DNM3: variants seen among roughly 807,000 people sequenced by gnomAD.
The protein encoded by DNM3 is dynamin-3.
In DNM3, 47 loss-of-function variants were observed where a neutral mutation model predicts 101.6. That is an observed-to-expected ratio of 0.46 (90% CI 0.37 to 0.59). DNM3 has a LOEUF of 0.59. Among genes scored for constraint, DNM3 ranks in the 20% least tolerant of loss-of-function variants. The pLI, the probability that DNM3 is intolerant of heterozygous loss-of-function variation, is 0.00. For synonymous variants in DNM3, 385 were observed against 387.9 expected, an observed-to-expected ratio of 0.99 and a Z score of 0.09; for missense variants, 849 against 1,085.7, an observed-to-expected ratio of 0.78 and a Z score of 3.06.
chr1:172,322,924 G>A (rs2065783309), intron 16 of DNM3, among the ~76,000 whole-genome samples: 1 of 151,958 alleles, frequency 6.6e-6, no homozygotes, highest in African/African-American at 2.4e-5. Context: ...TGGAGGAGGA[G>A]CTGTCAGGAA....
chr1:171,897,246 T>A (rs989331039), intron 1 of DNM3, among the ~76,000 whole-genome samples: 2 of 152,190 alleles, frequency 1.3e-5, no homozygotes, highest in African/African-American at 4.8e-5. Context: ...AGTTGCCACC[T>A]TTTTATTTTT....
chr1:172,068,048 C>T (rs2051838202), intron 10 of DNM3, among the ~76,000 whole-genome samples: 1 of 152,214 alleles, frequency 6.6e-6, no homozygotes, highest in Non-Finnish European at 1.5e-5. Context: ...ATGGGGTTGG[C>T]CGGGCGTGGT....
chr1:172,164,232 C>CTTTTTTTTTTTTTTTTTTTT (rs3980440), intron 14 of DNM3, among the ~76,000 whole-genome samples: 4 of 126,640 alleles, frequency 3.2e-5, no homozygotes, highest in Admixed American at 8.2e-5. Context: ...CTTTTCTTTT[C>CTTTTTTTTTTTTTTTTTTTT]TTTTTTTTTT....
intron 15 of DNM3, among the ~76,000 whole-genome samples, chr1:172,302,847 G>C (rs2064538325): frequency 6.6e-6 from 1 of 152,104 alleles, no homozygotes; most frequent in Non-Finnish European, 1.5e-5. Context: ...CAACAAAAAG[G>C]ACATCCACAC....
intron 17 of DNM3, among the ~76,000 whole-genome samples, chr1:172,345,794 C>A (rs2066899818): frequency 6.6e-6 from 1 of 152,046 alleles, no homozygotes; most frequent in Non-Finnish European, 1.5e-5. Flanking sequence ...TTTCATATCA[C>A]CTTGTAACAT....
At chr1:172,127,869 G>A (rs2056730074) in intron 13 of DNM3, among the ~76,000 whole-genome samples, 1 of 152,042 alleles carries the variant, frequency 6.6e-6, no homozygotes, top group African/African-American at 2.4e-5. Flanking sequence ...GTCTTCCTCT[G>A]GGAAGAGCTC....
At chr1:172,057,215 T>C (rs982971088) in intron 10 of DNM3, among the ~76,000 whole-genome samples, 1 of 152,176 alleles carries the variant, frequency 6.6e-6, no homozygotes, top group African/African-American at 2.4e-5. Flanking sequence ...AATCTACATC[T>C]GACTGGTGTA....
intron 14 of DNM3, among the ~76,000 whole-genome samples, chr1:172,164,227 C>CTTTTTTTTT (rs1165249284): frequency 2.7e-4 from 28 of 102,520 alleles, no homozygotes; most frequent in African/African-American, 1.2e-3. Flanking sequence ...ATTTTCTTTT[C>CTTTTTTTTT]TTTTCTTTTT....
intron 14 of DNM3, among the ~76,000 whole-genome samples, chr1:172,239,822 T>G (rs1305164713): frequency 7.3e-6 from 1 of 137,150 alleles, no homozygotes; most frequent in Non-Finnish European, 1.5e-5. Flanking sequence ...TTTTTTTTTG[T>G]AGTGGGCAGG....
intron 1 of DNM3, among the ~76,000 whole-genome samples, chr1:171,856,406 G>C (rs1051695547): frequency 1.3e-5 from 2 of 152,142 alleles, no homozygotes; most frequent in African/African-American, 4.8e-5. Context: ...CTAGGTCTGT[G>C]AGGAATGACA....
chr1:172,204,116 G>A (rs891645419), intron 14 of DNM3, among the ~76,000 whole-genome samples: 1 of 152,086 alleles, frequency 6.6e-6, no homozygotes, highest in African/African-American at 2.4e-5. Context: ...CAGAGACCAG[G>A]TGTGCTACTT....
intron 16 of DNM3, among the ~76,000 whole-genome samples, chr1:172,311,974 C>T (rs1285546159): frequency 2.6e-5 from 4 of 152,114 alleles, no homozygotes. Context: ...TCTTATGCAC[C>T]ATGTAGTCCT....
chr1:172,156,305 G>A (rs867239966), intron 14 of DNM3, among the ~76,000 whole-genome samples: 1 of 151,972 alleles, frequency 6.6e-6, no homozygotes, highest in African/African-American at 2.4e-5. Context: ...CAGTTTTATT[G>A]TTTCTACTTA....
chr1:172,242,969 T>G (rs1557871499), intron 14 of DNM3, among the ~76,000 whole-genome samples: 1 of 152,202 alleles, frequency 6.6e-6, no homozygotes, highest in South Asian at 2.1e-4. Context: ...TTTGAAAATA[T>G]TTTGTTCACT....
intron 1 of DNM3, among the ~76,000 whole-genome samples, chr1:171,854,991 C>T (rs6674602): frequency 0.048 from 7,342 of 152,186 alleles, 239 homozygotes; most frequent in Non-Finnish European, 0.075. Context: ...GGTACTAAAT[C>T]GAGTACCTAA....
intron 1 of DNM3, among the ~76,000 whole-genome samples, chr1:171,857,201 G>T (rs926289583): frequency 2.2e-4 from 33 of 152,150 alleles, no homozygotes; most frequent in African/African-American, 7.2e-4. Context: ...GCTTTAGGAA[G>T]ATTAAGTTGG....
chr1:172,354,211 C>A (rs1352090747), intron 17 of DNM3, among the ~76,000 whole-genome samples: 2 of 150,704 alleles, frequency 1.3e-5, no homozygotes, highest in African/African-American at 4.9e-5. Flanking sequence ...GTAGAAAAAA[C>A]CGGGTTCTTG....
chr1:172,221,580 A>G (rs1557836756), intron 14 of DNM3, among the ~76,000 whole-genome samples: 1 of 152,128 alleles, frequency 6.6e-6, no homozygotes, highest in Non-Finnish European at 1.5e-5. Flanking sequence ...TTCTACTAAT[A>G]CTAAGTAAAC....
chr1:172,074,214 G>A (rs1019186647), intron 11 of DNM3, among the ~76,000 whole-genome samples: 1 of 152,062 alleles, frequency 6.6e-6, no homozygotes, highest in Non-Finnish European at 1.5e-5. Context: ...ATAAGGCAGG[G>A]TAACACAATA....
Sources: allele counts gnomAD v4.1 joint callset (sites outside exome capture counted in the v4.1 genomes callset), GRCh38; gene constraint gnomAD v4.1.1; transcripts MANE v1.5; gene names NCBI Gene and HGNC (gene_info 2026-07-23, HGNC 2026-07-21).